Variants in CAST observed in about 807,000 individuals in gnomAD.
CAST encodes MIR583 host.
In CAST, 76 loss-of-function variants were observed where a neutral mutation model predicts 119.6. The ratio of observed to expected loss-of-function variants is 0.64; its 90% confidence interval spans 0.53 to 0.77. The LOEUF is 0.77. CAST is among the 30% of genes least tolerant of loss of function. The pLI, the probability that CAST is intolerant of heterozygous loss-of-function variation, is 0.00. For missense variants in CAST, 953 were observed against 946.5 expected, an observed-to-expected ratio of 1.01 and a Z score of -0.09; for synonymous variants, 319 against 331.6, an observed-to-expected ratio of 0.96 and a Z score of 0.41.
the CAST span, among the ~76,000 whole-genome samples, chr5:96,089,088 T>A: frequency 1.5e-5 from 2 of 137,804 alleles, no homozygotes; most frequent in African/African-American, 5.6e-5. Context: ...TTTTTTTTTT[T>A]AACTCTGGGA....
the CAST span, among the ~76,000 whole-genome samples, chr5:96,026,623 A>G: frequency 2.6e-5 from 4 of 152,216 alleles, no homozygotes; most frequent in African/African-American, 9.6e-5. Context: ...CCCAAATGAG[A>G]AAAGCAGAAT....
the CAST span, among the ~76,000 whole-genome samples, chr5:96,264,756 G>C: frequency 6.6e-6 from 1 of 152,108 alleles, no homozygotes; most frequent in Non-Finnish European, 1.5e-5. Flanking sequence ...AGTTTCATCT[G>C]TTTTTGTACT....
Position 96,740,778 on chromosome 5 carries a change from T to C in CAST, c.913T>C (p.Ser305Pro). Residue 305 changes from serine to proline, a missense_variant, in exon 13 of 32, where the codon TCT becomes CCT. Coordinates refer to ENST00000675179, the MANE Select transcript of CAST (RefSeq NM_001750.7). ...KEGITGPPAD[S>P]SKPIGPDDAI... ...AGGGATCACAGGGCCTCCTGCAGACTCTTCGGTGAGTTTACATACATGTCT... is the reference window on the plus strand; with the variant it reads ...AGGGATCACAGGGCCTCCTGCAGACCCTTCGGTGAGTTTACATACATGTCT... 6.3e-7 allele frequency: 1 copy of C among 1,594,672 alleles called. No homozygotes were observed. Among genetic ancestry groups the C allele is most frequent in the Non-Finnish European group, 8.6e-7 (1 of 1,162,194 alleles).
chr5:96,251,230 T>G, the CAST span, among the ~76,000 whole-genome samples: 5 of 152,238 alleles, frequency 3.3e-5, no homozygotes, highest in Admixed American at 6.5e-5. Context: ...TCGGCTGGGC[T>G]GATTTCTTCA....
At chr5:96,715,294 T>C (rs1264387742) in intron 3 of CAST, among the ~76,000 whole-genome samples, 1 of 152,230 alleles carries the variant, frequency 6.6e-6, no homozygotes, top group East Asian at 1.9e-4. Flanking sequence ...TCTCTGGTAC[T>C]TTCCTACCCC....
chr5:96,072,271 G>C, the CAST span, among the ~76,000 whole-genome samples: 2 of 152,128 alleles, frequency 1.3e-5, no homozygotes, highest in African/African-American at 4.8e-5. Context: ...CAGGGAGTAA[G>C]GGGTTGAAGA....
At chr5:96,768,426 G>A (rs776507247) in intron 29 of CAST, 47 of 455,958 alleles carry the variant, frequency 1.0e-4, no homozygotes, top group Admixed American at 3.6e-4. Flanking sequence ...CGATGATATA[G>A]AGAACCTGAA....
At chr5:96,737,989 T>C in intron 11 of CAST, 42 bp downstream of exon 11, 1 of 1,137,282 alleles carries the variant, frequency 8.8e-7, no homozygotes. Flanking sequence ...ACTCAGTGGG[T>C]AGGAGAGCAA....
chr5:96,113,743 ACAGGAGACCAGAGAGCT>A, the CAST span, among the ~76,000 whole-genome samples: 7 of 152,348 alleles, frequency 4.6e-5, no homozygotes, highest in South Asian at 6.2e-4. Context: ...GCATGTCTGC[ACAGGAGACCAGAGAGCT>A]CAGGTTTTTA....
At chr5:96,067,947 C>G in the CAST span, among the ~76,000 whole-genome samples, 3 of 152,082 alleles carry the variant, frequency 2.0e-5, no homozygotes, top group Non-Finnish European at 2.9e-5. Flanking sequence ...TTAAATGCAG[C>G]CCTGGCTGGG....
At chr5:96,320,528 G>A in the CAST span, among the ~76,000 whole-genome samples, 3 of 152,066 alleles carry the variant, frequency 2.0e-5, no homozygotes, top group African/African-American at 4.8e-5. Context: ...GTGAGTCACC[G>A]TGCCCGGTCG....
At chr5:96,218,637 A>G in the CAST span, among the ~76,000 whole-genome samples, 1 of 152,086 alleles carries the variant, frequency 6.6e-6, no homozygotes, top group Non-Finnish European at 1.5e-5. Context: ...GCACTCTTTT[A>G]TATTGCCGAC....
At chr5:96,020,866 T>G in the CAST span, among the ~76,000 whole-genome samples, 4 of 119,342 alleles carry the variant, frequency 3.4e-5, no homozygotes, top group African/African-American at 9.7e-5. Flanking sequence ...AAAAATTTTC[T>G]TCCATGAAAC....
chr5:96,092,942 C>A, the CAST span, among the ~76,000 whole-genome samples: 22 of 152,274 alleles, frequency 1.4e-4, no homozygotes, highest in Admixed American at 2.6e-4. Flanking sequence ...TCCAGATCTC[C>A]TTAATCATTG....
At chr5:96,477,838 G>A in the CAST span, among the ~76,000 whole-genome samples, 333 of 152,270 alleles carry the variant, frequency 2.2e-3, no homozygotes, top group African/African-American at 7.7e-3. Flanking sequence ...AGGGTAAACA[G>A]GCTTGTTGAT....
chr5:95,966,560 G>A, the CAST span, among the ~76,000 whole-genome samples: 2 of 152,014 alleles, frequency 1.3e-5, no homozygotes, highest in African/African-American at 4.8e-5. Context: ...CTTTCTAGAA[G>A]AGTCTGGTTA....
chr5:95,977,480 T>C, the CAST span, among the ~76,000 whole-genome samples: 1 of 152,240 alleles, frequency 6.6e-6, no homozygotes, highest in Admixed American at 6.5e-5. Flanking sequence ...ATGCTTCCTG[T>C]CCTTTCATTT....
At chr5:96,142,619 TC>T in the CAST span, among the ~76,000 whole-genome samples, 1 of 152,218 alleles carries the variant, frequency 6.6e-6, no homozygotes, top group Non-Finnish European at 1.5e-5. Context: ...TATTTCCTTG[TC>T]ATTGAATATA....
the CAST span, among the ~76,000 whole-genome samples, chr5:96,299,447 C>A: frequency 1.3e-5 from 2 of 152,296 alleles, no homozygotes; most frequent in Middle Eastern, 6.8e-3. Flanking sequence ...ACTGAAACGG[C>A]TGGGGGAGCA....
Sources: allele counts gnomAD v4.1 joint callset (sites outside exome capture counted in the v4.1 genomes callset), GRCh38; gene constraint gnomAD v4.1.1; transcripts MANE v1.5; gene names NCBI Gene and HGNC (gene_info 2026-07-23, HGNC 2026-07-21).